CNTN5: variants seen among roughly 807,000 people sequenced by gnomAD.
CNTN5 encodes the protein contactin-5.
A neutral mutation model predicts 129.1 loss-of-function variants in CNTN5; 77 were observed. That is an observed-to-expected ratio of 0.60 (90% CI 0.50 to 0.72). The LOEUF is 0.72. Ranked by LOEUF, CNTN5 falls within the 30% of genes least tolerant of loss-of-function variation. CNTN5 has a pLI of 0.00. For synonymous variants in CNTN5, 509 were observed against 465.6 expected (o/e 1.09, Z -1.20); for missense variants, 1,478 against 1,328.8 (o/e 1.11, Z -1.75).
At chr11:99,813,020 A>G (rs976419051) in intron 3 of CNTN5, among the ~76,000 whole-genome samples, 5 of 107,996 alleles carry the variant, frequency 4.6e-5, no homozygotes, top group South Asian at 5.6e-4. Context: ...CAATTTACCA[A>G]TTGGTAAAAT....
chr11:99,065,880 G>T (rs1359424737), intron 1 of CNTN5, among the ~76,000 whole-genome samples: 1 of 151,964 alleles, frequency 6.6e-6, no homozygotes, highest in Non-Finnish European at 1.5e-5. Context: ...ATATTATTTT[G>T]ATTTCATAGT....
At chr11:99,796,997 G>A (rs1945965411) in intron 3 of CNTN5, among the ~76,000 whole-genome samples, 1 of 152,010 alleles carries the variant, frequency 6.6e-6, no homozygotes, top group Non-Finnish European at 1.5e-5. Context: ...TGCCAGGAAT[G>A]AGTCCCAGGG....
At chr11:99,118,475 T>C (rs1440546329) in intron 1 of CNTN5, among the ~76,000 whole-genome samples, 1 of 152,088 alleles carries the variant, frequency 6.6e-6, no homozygotes, top group Non-Finnish European at 1.5e-5. Context: ...ACATACTCAG[T>C]GGGTCTTTCT....
intron 6 of CNTN5, among the ~76,000 whole-genome samples, chr11:99,878,977 C>T (rs567248249): frequency 4.6e-5 from 7 of 152,134 alleles, no homozygotes; most frequent in South Asian, 2.1e-4. Context: ...CTGTCGCTCG[C>T]GCTGGAGTAC....
chr11:99,691,142 CTCTTCT>C (rs1022337816), intron 3 of CNTN5, among the ~76,000 whole-genome samples: 1 of 150,696 alleles, frequency 6.6e-6, no homozygotes, highest in African/African-American at 2.4e-5. Context: ...TATGAATCTT[CTCTTCT>C]TCTTTATTAG....
At chr11:100,324,898 A>C (rs1301452759) in intron 21 of CNTN5, among the ~76,000 whole-genome samples, 1 of 152,184 alleles carries the variant, frequency 6.6e-6, no homozygotes, top group Admixed American at 6.5e-5. Context: ...TAACTCATTA[A>C]ATTGCATCCT....
chr11:99,128,598 G>A (rs924906189), intron 1 of CNTN5, among the ~76,000 whole-genome samples: 20 of 152,164 alleles, frequency 1.3e-4, no homozygotes, highest in African/African-American at 4.1e-4. Context: ...CCCCAGCACA[G>A]CACAACGGCT....
chr11:99,182,091 T>G (rs12416699), intron 1 of CNTN5, among the ~76,000 whole-genome samples: 15,124 of 152,160 alleles, frequency 0.099, 1,307 homozygotes, highest in East Asian at 0.4. Context: ...TTTGCCCTGT[T>G]GATCTGCCCG....
chr11:99,715,926 TAAAG>T (rs1238919664), intron 3 of CNTN5, among the ~76,000 whole-genome samples: 9 of 152,046 alleles, frequency 5.9e-5, no homozygotes, highest in Admixed American at 3.9e-4. Flanking sequence ...TTGTTAGAAA[TAAAG>T]AGGAGAGTAT....
chr11:99,894,215 T>A (rs1212160279), intron 6 of CNTN5, among the ~76,000 whole-genome samples: 1 of 152,122 alleles, frequency 6.6e-6, no homozygotes, highest in African/African-American at 2.4e-5. Context: ...ACCTGGTGCT[T>A]CATTTGTCCA....
chr11:99,646,097 T>C (rs1054769128), intron 3 of CNTN5, among the ~76,000 whole-genome samples: 1 of 152,184 alleles, frequency 6.6e-6, no homozygotes, highest in African/African-American at 2.4e-5. Flanking sequence ...TCAGCATTGA[T>C]TTTTGATCTG....
intron 13 of CNTN5, among the ~76,000 whole-genome samples, chr11:100,156,599 C>T (rs1227111265): frequency 6.6e-6 from 1 of 152,010 alleles, no homozygotes; most frequent in Non-Finnish European, 1.5e-5. Context: ...CTTTGTACCT[C>T]TGGTAGAATT....
chr11:99,738,783 A>G (rs1001002833), intron 3 of CNTN5, among the ~76,000 whole-genome samples: 27 of 152,122 alleles, frequency 1.8e-4, no homozygotes, highest in Non-Finnish European at 2.2e-4. Flanking sequence ...ACTCTATCCC[A>G]TAGGCAGTAG....
chr11:99,174,313 A>T (rs1373230975), intron 1 of CNTN5, among the ~76,000 whole-genome samples: 1 of 152,066 alleles, frequency 6.6e-6, no homozygotes, highest in African/African-American at 2.4e-5. Context: ...GACTTCTAAG[A>T]CACTGTTTCC....
intron 1 of CNTN5, among the ~76,000 whole-genome samples, chr11:99,093,223 C>A (rs1009571705): frequency 1.3e-5 from 2 of 151,924 alleles, no homozygotes; most frequent in African/African-American, 4.8e-5. Flanking sequence ...GGTTAGTTCT[C>A]TTAAAGCATA....
Position 99,953,794 on chromosome 11 carries a change from T to A in CNTN5, c.674-3012T>A, listed in dbSNP as rs147599030. Among the ~76,000 whole-genome samples the A allele has an allele frequency of 2.8e-3, 425 of 152,222 alleles. 2 individuals carry two copies. Among genetic ancestry groups the A allele is most frequent in the African/African-American group, 9.6e-3 (398 of 41,568 alleles). On this transcript the variant is annotated intron_variant, in intron 7 of 24. Coordinates refer to ENST00000524871, the MANE Select transcript of CNTN5 (RefSeq NM_014361.4). ...AGAAACCAAAAGCCTATGCAGCACA[T>A]GTATTTGTGGCCCAAATGCGTATTA...
At chr11:100,172,722 C>T (rs904898154) in intron 13 of CNTN5, among the ~76,000 whole-genome samples, 5 of 151,776 alleles carry the variant, frequency 3.3e-5, no homozygotes, top group East Asian at 1.9e-4. Flanking sequence ...TAGTGCATTA[C>T]GAATGGAAAA....
intron 1 of CNTN5, among the ~76,000 whole-genome samples, chr11:99,244,528 C>G (rs2135769799): frequency 6.6e-6 from 1 of 152,246 alleles, no homozygotes; most frequent in South Asian, 2.1e-4. Flanking sequence ...CTTATGACCT[C>G]TCTGTAATAA....
At chr11:99,034,827 G>T (rs1863624110) in intron 1 of CNTN5, among the ~76,000 whole-genome samples, 1 of 150,990 alleles carries the variant, frequency 6.6e-6, no homozygotes, top group South Asian at 2.1e-4. Flanking sequence ...GAATGTGTTT[G>T]CTCTTGCTTT....
Sources: allele counts gnomAD v4.1 joint callset (sites outside exome capture counted in the v4.1 genomes callset), GRCh38; gene constraint gnomAD v4.1.1; transcripts MANE v1.5; gene names NCBI Gene and HGNC (gene_info 2026-07-23, HGNC 2026-07-21).